Variants in CCSER1 observed in about 807,000 individuals in gnomAD.
The protein encoded by CCSER1 is coiled-coil serine rich protein 1.
Under a neutral mutation model 82.0 loss-of-function variants are expected in CCSER1, and 41 were observed. That is an observed-to-expected ratio of 0.50 (90% CI 0.39 to 0.65). The LOEUF (loss-of-function observed/expected upper bound fraction) is 0.65, where lower values mean the gene tolerates loss of function less well. CCSER1 is among the 30% of genes least tolerant of loss of function. The probability of loss-of-function intolerance (pLI) is 0.00; values close to 1 mark genes in which losing one functional copy is unlikely to be tolerated. For synonymous variants in CCSER1, 414 were observed against 383.9 expected (o/e 1.08, Z -0.92); for missense variants, 1,119 against 1,064.2 (o/e 1.05, Z -0.72).
chr4:90,843,665 T>C (rs1762842608), intron 8 of CCSER1, among the ~76,000 whole-genome samples: 1 of 152,206 alleles, frequency 6.6e-6, no homozygotes. Context: ...CCTTCAACTT[T>C]TGCTGGATTT....
At chr4:90,229,026 A>G (rs1355272854) in intron 1 of CCSER1, among the ~76,000 whole-genome samples, 1 of 152,196 alleles carries the variant, frequency 6.6e-6, no homozygotes, top group Non-Finnish European at 1.5e-5. Context: ...GGGAGAATGG[A>G]ACCAAGTTGG....
intron 1 of CCSER1, among the ~76,000 whole-genome samples, chr4:90,171,195 C>T (rs935965303): frequency 5.2e-5 from 6 of 116,012 alleles, no homozygotes; most frequent in African/African-American, 1.8e-4. Context: ...AAATAAAATA[C>T]AGGAATATAT....
At chr4:91,492,178 T>G (rs368181638) in intron 10 of CCSER1, among the ~76,000 whole-genome samples, 3 of 152,132 alleles carry the variant, frequency 2.0e-5, no homozygotes, top group African/African-American at 7.2e-5. Flanking sequence ...TAGGACTACA[T>G]TATAATGGCT....
intron 6 of CCSER1, among the ~76,000 whole-genome samples, chr4:90,696,569 G>T (rs148925300): frequency 1.1e-3 from 166 of 152,246 alleles, no homozygotes; most frequent in African/African-American, 3.9e-3. Context: ...TGATAGAGAT[G>T]AAAAGCACAT....
chr4:90,948,075 T>A (rs41489045), intron 9 of CCSER1, among the ~76,000 whole-genome samples: 2 of 151,828 alleles, frequency 1.3e-5, no homozygotes, highest in Admixed American at 6.6e-5. Flanking sequence ...CAAAGTAAAC[T>A]GCATCTTTCT....
chr4:91,435,653 G>A (rs1451162141), intron 10 of CCSER1, among the ~76,000 whole-genome samples: 1 of 151,954 alleles, frequency 6.6e-6, no homozygotes, highest in Non-Finnish European at 1.5e-5. Flanking sequence ...TATATTTTTT[G>A]AAAACTTATG....
intron 9 of CCSER1, among the ~76,000 whole-genome samples, chr4:90,943,265 C>T (rs972914830): frequency 1.3e-5 from 2 of 151,956 alleles, no homozygotes; most frequent in African/African-American, 2.4e-5. Context: ...TTGTTTACCT[C>T]GTGGTTCATA....
intron 8 of CCSER1, among the ~76,000 whole-genome samples, chr4:90,903,778 AG>A (rs1457524254): frequency 6.6e-6 from 1 of 151,124 alleles, no homozygotes; most frequent in Non-Finnish European, 1.5e-5. Context: ...TGGAGGTTTC[AG>A]TGAGCTAAGA....
At chr4:91,221,049 T>A (rs956566993) in intron 10 of CCSER1, among the ~76,000 whole-genome samples, 3 of 152,170 alleles carry the variant, frequency 2.0e-5, no homozygotes, top group Non-Finnish European at 4.4e-5. Context: ...ACCTTTATGA[T>A]AATTTAGAAT....
chr4:90,161,966 A>G (rs971606000), intron 1 of CCSER1, among the ~76,000 whole-genome samples: 19 of 152,206 alleles, frequency 1.2e-4, no homozygotes, highest in Non-Finnish European at 5.9e-5. Flanking sequence ...AAGTAGACAA[A>G]TGTTGCATTG....
chr4:91,366,965 G>C (rs1560615580), intron 10 of CCSER1, among the ~76,000 whole-genome samples: 1 of 151,768 alleles, frequency 6.6e-6, no homozygotes, highest in African/African-American at 2.4e-5. Context: ...TAATTCAACA[G>C]GATAATTAGC....
rs141774666 is a variant in CCSER1 at position 90,869,435 on chromosome 4, C to T, written c.2094+53590C>T. ...TCTGCATAGAGATATCTAGTTTTCCCACCACCATTTGTTGAAGAGACTGTC... is the reference window on the plus strand; with the variant it reads ...TCTGCATAGAGATATCTAGTTTTCCTACCACCATTTGTTGAAGAGACTGTC... On this transcript the variant is annotated intron_variant, in intron 8 of 10. Transcript: ENST00000509176. Among the ~76,000 whole-genome samples, 828 of 152,054 alleles carry T rather than the reference C, an allele frequency of 5.4e-3. 5 individuals are homozygous for T. The highest frequency in any genetic ancestry group is 9.0e-3 in the Non-Finnish European group (612 of 67,934).
At chr4:90,724,202 A>G (rs1322388374) in intron 7 of CCSER1, among the ~76,000 whole-genome samples, 1 of 151,976 alleles carries the variant, frequency 6.6e-6, no homozygotes, top group African/African-American at 2.4e-5. Context: ...TTTATGGGAC[A>G]ATTGTTTGTC....
At chr4:90,929,944 T>C (rs779434290) in intron 9 of CCSER1, among the ~76,000 whole-genome samples, 151 of 152,336 alleles carry the variant, frequency 9.9e-4, no homozygotes, top group Non-Finnish European at 1.9e-3. Flanking sequence ...TCATTCCACA[T>C]TGTATACATA....
At chr4:91,152,443 C>T (rs1730321080) in intron 10 of CCSER1, among the ~76,000 whole-genome samples, 1 of 152,044 alleles carries the variant, frequency 6.6e-6, no homozygotes, top group Admixed American at 6.6e-5. Context: ...TTATCTTTAC[C>T]TTTACCTTTA....
At position 91,387,728 on chromosome 4, in the gene CCSER1, A is replaced by AT. The variant is rs1331981457; in HGVS notation, c.2218-210843dup. On this transcript the variant is annotated intron_variant, in intron 10 of 10. Transcript: ENST00000509176. Reference sequence around the variant, plus strand: ...AGGGGAACAAGGAGTTAACTAAATGATAAAAAAATGATAAGACAGATAAGA... The same window carrying AT: ...AGGGGAACAAGGAGTTAACTAAATGATTAAAAAAATGATAAGACAGATAAGA... Among the ~76,000 whole-genome samples, 4 of 148,458 alleles carry AT rather than the reference A, an allele frequency of 2.7e-5. No homozygotes were observed. The East Asian group carries it at 7.8e-4, about 29-fold the overall frequency.
chr4:91,443,289 A>T (rs1417531617), intron 10 of CCSER1, among the ~76,000 whole-genome samples: 1 of 152,160 alleles, frequency 6.6e-6, no homozygotes, highest in Non-Finnish European at 1.5e-5. Context: ...AATACTATGC[A>T]GCCATAAAAA....
intron 10 of CCSER1, among the ~76,000 whole-genome samples, chr4:91,354,827 G>A (rs1748714115): frequency 6.6e-6 from 1 of 152,066 alleles, no homozygotes; most frequent in Non-Finnish European, 1.5e-5. Context: ...CTACATGCTC[G>A]GCTAATTGCA....
At chr4:91,296,483 A>ATATATATTTATTTATT (rs1175690764) in intron 10 of CCSER1, among the ~76,000 whole-genome samples, 96 of 124,002 alleles carry the variant, frequency 7.7e-4, no homozygotes, top group African/African-American at 1.4e-3. Context: ...ATATATATAT[A>ATATATATTTATTTATT]TATTTTAATT....
Sources: allele counts gnomAD v4.1 joint callset (sites outside exome capture counted in the v4.1 genomes callset), GRCh38; gene constraint gnomAD v4.1.1; transcripts MANE v1.5; gene names NCBI Gene and HGNC (gene_info 2026-07-23, HGNC 2026-07-21).